GLIS3: variants seen among roughly 807,000 people sequenced by gnomAD.
The protein encoded by GLIS3 is GLIS family zinc finger 3, also known as zinc finger protein GLIS3.
GLIS3 carries 53 observed loss-of-function variants against 78.6 expected under a neutral mutation model. The observed-to-expected ratio is 0.67, with a 90% CI of 0.54 to 0.85. The LOEUF is 0.85. GLIS3 is among the 40% of genes least tolerant of loss of function. The pLI, the probability that GLIS3 is intolerant of heterozygous loss-of-function variation, is 0.00. For synonymous variants in GLIS3, 684 were observed against 509.9 expected, an observed-to-expected ratio of 1.34 and a Z score of -4.60; for missense variants, 1,703 against 1,231.1, an observed-to-expected ratio of 1.38 and a Z score of -5.74.
chr9:3,971,533 T>A (rs993423150), intron 4 of GLIS3, among the ~76,000 whole-genome samples: 1 of 152,082 alleles, frequency 6.6e-6, no homozygotes. Flanking sequence ...TGAAAAGGGA[T>A]CTATTGCACA....
At chr9:3,840,721 A>G (rs1818660199) in intron 9 of GLIS3, among the ~76,000 whole-genome samples, 1 of 152,216 alleles carries the variant, frequency 6.6e-6, no homozygotes, top group Admixed American at 6.5e-5. Context: ...GATGGGTCGT[A>G]GCATGAAGGC....
intron 4 of GLIS3, among the ~76,000 whole-genome samples, chr9:4,112,528 G>A (rs1024542660): frequency 2.6e-5 from 4 of 152,094 alleles, no homozygotes; most frequent in Admixed American, 6.6e-5. Flanking sequence ...CTGCATCCCA[G>A]GCCAATTACA....
At chr9:3,932,897 C>G (rs528290598) in intron 5 of GLIS3, 4 of 327,000 alleles carry the variant, frequency 1.2e-5, no homozygotes, top group Non-Finnish European at 2.5e-5. Context: ...CAGAAAAAAA[C>G]TGGGTATTTT....
At chr9:3,871,061 G>A (rs1820938506) in intron 8 of GLIS3, among the ~76,000 whole-genome samples, 1 of 152,156 alleles carries the variant, frequency 6.6e-6, no homozygotes, top group African/African-American at 2.4e-5. Context: ...AAAACAGAGG[G>A]GCTACACGGC....
At chr9:4,277,288 T>C (rs1827114753) in intron 2 of GLIS3, among the ~76,000 whole-genome samples, 1 of 152,182 alleles carries the variant, frequency 6.6e-6, no homozygotes, top group African/African-American at 2.4e-5. Flanking sequence ...ATCTATGATG[T>C]GGCAGTGGAG....
chr9:4,058,853 G>C lies in GLIS3; in HGVS notation c.1710+58915C>G, dbSNP rs543521672. ...AAAAATTAGCCGGGTTTGGTGGCAG[G>C]TGCCTGTAATCCCAGCTACTGAGGA... On this transcript the variant is annotated intron_variant, in intron 4 of 10. Coordinates refer to ENST00000381971, the MANE Select transcript of GLIS3 (RefSeq NM_001042413.2). Among the ~76,000 whole-genome samples the C allele has an allele frequency of 6.6e-5, 10 of 152,108 alleles. 1 individual carries two copies. The South Asian group carries it at 2.1e-3, about 32-fold the overall frequency.
upstream of GLIS3, among the ~76,000 whole-genome samples, chr9:4,348,656 CCTGA>C (rs1366808079): frequency 7.2e-5 from 11 of 152,068 alleles, no homozygotes; most frequent in Non-Finnish European, 1.6e-4. Flanking sequence ...GACTCAACTA[CCTGA>C]CTTTCTCCCA....
the GLIS3 span, among the ~76,000 whole-genome samples, chr9:4,459,677 G>A: frequency 0.015 from 2,349 of 152,240 alleles, 66 homozygotes; most frequent in African/African-American, 0.054. Flanking sequence ...AGGCAGAAGG[G>A]CTGCTTGAGC....
intron 6 of GLIS3, among the ~76,000 whole-genome samples, chr9:3,911,972 T>C (rs778420693): frequency 3.3e-5 from 5 of 152,172 alleles, no homozygotes; most frequent in Non-Finnish European, 7.3e-5. Flanking sequence ...TACCATAGTG[T>C]GGCGACATGG....
At chr9:3,904,615 G>A (rs1010359948) in intron 6 of GLIS3, among the ~76,000 whole-genome samples, 4 of 152,142 alleles carry the variant, frequency 2.6e-5, no homozygotes, top group Admixed American at 6.5e-5. Flanking sequence ...AGAAAGCATC[G>A]TGCGGTTGAA....
the GLIS3 span, among the ~76,000 whole-genome samples, chr9:4,421,773 C>G: frequency 3.3e-5 from 5 of 152,210 alleles, no homozygotes; most frequent in Admixed American, 6.5e-5. Flanking sequence ...AGAGTACCAA[C>G]TATGTCCTAG....
intron 2 of GLIS3, among the ~76,000 whole-genome samples, chr9:4,152,600 A>C (rs763524456): frequency 6.6e-5 from 10 of 152,184 alleles, no homozygotes; most frequent in Non-Finnish European, 1.3e-4. Context: ...CCATTTTCTG[A>C]GTAAACGTGG....
chr9:4,354,946 C>G, the GLIS3 span, among the ~76,000 whole-genome samples: 2 of 151,992 alleles, frequency 1.3e-5, no homozygotes, highest in African/African-American at 4.8e-5. Context: ...GAAACCCCAT[C>G]TCTACTAAAA....
At chr9:4,392,242 G>C in the GLIS3 span, among the ~76,000 whole-genome samples, 4 of 151,906 alleles carry the variant, frequency 2.6e-5, no homozygotes, top group African/African-American at 9.7e-5. Flanking sequence ...GCCTGTCGTG[G>C]GGCGGGGGTC....
chr9:4,081,289 T>A (rs940450443), intron 4 of GLIS3: 1 of 152,274 alleles, frequency 6.6e-6, no homozygotes, highest in Non-Finnish European at 1.5e-5. Flanking sequence ...CAGTCCTTTG[T>A]CCTCACCACA....
At chr9:4,414,959 C>A in the GLIS3 span, among the ~76,000 whole-genome samples, 1 of 152,078 alleles carries the variant, frequency 6.6e-6, no homozygotes, top group South Asian at 2.1e-4. Flanking sequence ...CTTAAATCCC[C>A]ACTTGTTCTT....
At chr9:4,309,240 A>G (rs1361487515) in intron 3 of GLIS3, among the ~76,000 whole-genome samples, 5 of 152,352 alleles carry the variant, frequency 3.3e-5, no homozygotes, top group Admixed American at 3.3e-4. Context: ...TGTCTACATA[A>G]TAGGCACTCA....
At chr9:4,412,496 C>G in the GLIS3 span, among the ~76,000 whole-genome samples, 13 of 152,248 alleles carry the variant, frequency 8.5e-5, no homozygotes, top group African/African-American at 3.1e-4. Context: ...ATGGATATCA[C>G]CCTTGCATTT....
chr9:3,824,139 A>C lies in GLIS3; in HGVS notation c.*4133T>G, dbSNP rs1817602495. 1 of 152,626 alleles carries C rather than the reference A, an allele frequency of 6.6e-6. No homozygotes were observed. The highest frequency in any genetic ancestry group is 2.4e-5 in the African/African-American group (1 of 41,450). The allele number at this position is 152,626 out of a possible 1,614,324, so 9.5% of individuals were successfully genotyped here. On this transcript the variant is annotated 3_prime_UTR_variant, in exon 11 of 11. Coordinates refer to ENST00000381971, the MANE Select transcript of GLIS3 (RefSeq NM_001042413.2). Reference sequence around the variant, plus strand: ...AGAATAACCAATAAAACATGTATAAAAGCTTTAATTAAATCTGATGAAATA... The same window carrying C: ...AGAATAACCAATAAAACATGTATAACAGCTTTAATTAAATCTGATGAAATA...
Sources: gnomAD v4.1 joint callset for allele counts (sites outside exome capture counted in the v4.1 genomes callset) on GRCh38, gnomAD v4.1.1 for gene constraint, MANE v1.5 for transcripts, NCBI Gene and HGNC (gene_info 2026-07-23, HGNC 2026-07-21) for gene names.